The following LARGE1 variants were observed in gnomAD, a reference collection of about 807,000 sequenced individuals.
LARGE1 encodes the protein xylosyl- and glucuronyltransferase LARGE1.
In LARGE1, 43 loss-of-function variants were observed where a neutral mutation model predicts 87.6. The observed-to-expected ratio is 0.49, with a 90% CI of 0.38 to 0.63. The LOEUF (loss-of-function observed/expected upper bound fraction) is 0.63, where lower values mean the gene tolerates loss of function less well. Among genes scored for constraint, LARGE1 ranks in the 30% least tolerant of loss-of-function variants. The probability of loss-of-function intolerance (pLI) is 0.00; values close to 1 mark genes in which losing one functional copy is unlikely to be tolerated. For missense variants in LARGE1, 802 were observed against 1,000.2 expected (o/e 0.80, Z 2.67); for synonymous variants, 434 against 394.6 (o/e 1.10, Z -1.18).
intron 11 of LARGE1, among the ~76,000 whole-genome samples, chr22:33,190,147 T>TCA (rs111552437): frequency 0.035 from 4,826 of 138,362 alleles, 262 homozygotes; most frequent in African/African-American, 0.12. Context: ...AAACAAAACA[T>TCA]TTTTTTTTTT....
Position 33,392,590 on chromosome 22 carries a change from C to T in LARGE1, c.893-8286G>A, listed in dbSNP as rs149801049. ...AGAAGAATTGCTTGAACCTGGGAGG[C>T]GGATGTTGTGGTGAGCCAAGATGGC... On this transcript the variant is annotated intron_variant, in intron 7 of 14. Coordinates refer to ENST00000397394, the MANE Select transcript of LARGE1 (RefSeq NM_133642.5). Among the ~76,000 whole-genome samples the T allele has an allele frequency of 4.2e-3, 632 of 152,190 alleles. 3 individuals are homozygous for T. Among genetic ancestry groups the T allele is most frequent in the African/African-American group, 0.015 (606 of 41,526 alleles).
intron 6 of LARGE1, among the ~76,000 whole-genome samples, chr22:33,470,280 C>A (rs1207615396): frequency 6.6e-6 from 1 of 152,030 alleles, no homozygotes; most frequent in Non-Finnish European, 1.5e-5. Flanking sequence ...ACACATGTAC[C>A]CCTGAAACCA....
At chr22:33,315,778 C>T (rs567809865) in intron 11 of LARGE1, among the ~76,000 whole-genome samples, 104 of 152,260 alleles carry the variant, frequency 6.8e-4, no homozygotes, top group Non-Finnish European at 1.4e-3. Flanking sequence ...TACAGGCGCA[C>T]ACCACCATGC....
intron 9 of LARGE1, among the ~76,000 whole-genome samples, chr22:33,339,096 C>T (rs1245279873): frequency 2.0e-5 from 3 of 148,398 alleles, no homozygotes; most frequent in African/African-American, 7.5e-5. Context: ...TGCGGTGGGC[C>T]GAGATTGCAC....
chr22:33,456,372 A>C (rs2068131398), intron 6 of LARGE1, among the ~76,000 whole-genome samples: 1 of 152,014 alleles, frequency 6.6e-6, no homozygotes, highest in African/African-American at 2.4e-5. Context: ...AATACTCCCC[A>C]ATTTTGGGTA....
intron 6 of LARGE1, among the ~76,000 whole-genome samples, chr22:33,448,524 T>C (rs934081909): frequency 4.6e-5 from 7 of 152,228 alleles, no homozygotes; most frequent in African/African-American, 1.4e-4. Flanking sequence ...GGACACAGTC[T>C]TCAGAGCTCT....
chr22:33,590,523 G>C (rs1416905465), intron 5 of LARGE1, among the ~76,000 whole-genome samples: 1 of 152,112 alleles, frequency 6.6e-6, no homozygotes, highest in African/African-American at 2.4e-5. Context: ...AAAACAATTT[G>C]ATCGCCCTCG....
At chr22:33,690,231 T>G (rs2082058860) in intron 2 of LARGE1, among the ~76,000 whole-genome samples, 1 of 152,084 alleles carries the variant, frequency 6.6e-6, no homozygotes, top group African/African-American at 2.4e-5. Context: ...GAAAGAAAAG[T>G]TAGGCAAAAT....
chr22:33,836,932 T>C (rs911765630), intron 1 of LARGE1, among the ~76,000 whole-genome samples: 1 of 152,134 alleles, frequency 6.6e-6, no homozygotes, highest in African/African-American at 2.4e-5. Flanking sequence ...CAGTTTACCA[T>C]GAACATACTG....
At chr22:33,893,649 C>T (rs56876495) in intron 1 of LARGE1, among the ~76,000 whole-genome samples, 8,998 of 152,264 alleles carry the variant, frequency 0.059, 788 homozygotes, top group African/African-American at 0.19. Context: ...CTTCAACTTT[C>T]AAAAGCTGTT....
intron 6 of LARGE1, among the ~76,000 whole-genome samples, chr22:33,460,516 A>G (rs1047104332): frequency 1.3e-5 from 2 of 152,172 alleles, no homozygotes. Flanking sequence ...ATGCACATAC[A>G]TGCATTTATC....
chr22:33,374,350 A>G (rs974000716), intron 9 of LARGE1, among the ~76,000 whole-genome samples: 1 of 152,222 alleles, frequency 6.6e-6, no homozygotes, highest in Non-Finnish European at 1.5e-5. Flanking sequence ...TAAGAAACAA[A>G]CATTTTATAT....
chr22:33,791,373 A>C (rs2085819410), intron 1 of LARGE1, among the ~76,000 whole-genome samples: 1 of 152,232 alleles, frequency 6.6e-6, no homozygotes, highest in South Asian at 2.1e-4. Context: ...CTTCTGCACA[A>C]CTCAGTAATT....
At chr22:33,547,139 T>A (rs1181273433) in intron 6 of LARGE1, among the ~76,000 whole-genome samples, 1 of 152,090 alleles carries the variant, frequency 6.6e-6, no homozygotes, top group African/African-American at 2.4e-5. Flanking sequence ...TATGTATGTA[T>A]GATACCTAAA....
the LARGE1 span, among the ~76,000 whole-genome samples, chr22:33,095,696 T>C: frequency 6.6e-6 from 1 of 152,166 alleles, no homozygotes; most frequent in Non-Finnish European, 1.5e-5. Context: ...GTTATCCCAA[T>C]ATACAGGTAT....
chr22:33,546,282 A>G (rs2077358017), intron 6 of LARGE1, among the ~76,000 whole-genome samples: 1 of 152,206 alleles, frequency 6.6e-6, no homozygotes, highest in Admixed American at 6.5e-5. Context: ...TAGGGAACAC[A>G]CCACGCTTTA....
At chr22:33,136,542 T>C in the LARGE1 span, among the ~76,000 whole-genome samples, 2 of 152,290 alleles carry the variant, frequency 1.3e-5, no homozygotes, top group South Asian at 4.1e-4. Context: ...AGCCAAACCA[T>C]ATCACCAACA....
At chr22:33,711,840 T>G (rs1477107825) in intron 2 of LARGE1, among the ~76,000 whole-genome samples, 9 of 152,124 alleles carry the variant, frequency 5.9e-5, no homozygotes, top group African/African-American at 2.2e-4. Flanking sequence ...TTTATTTTTT[T>G]TGCAGAGACA....
intron 5 of LARGE1, among the ~76,000 whole-genome samples, chr22:33,597,525 C>T (rs954952853): frequency 8.5e-5 from 13 of 152,196 alleles, no homozygotes; most frequent in Admixed American, 2.0e-4. Context: ...CCTCTGCCAT[C>T]CTCCATAGAG....
Sources: allele counts gnomAD v4.1 joint callset (sites outside exome capture counted in the v4.1 genomes callset), GRCh38; gene constraint gnomAD v4.1.1; transcripts MANE v1.5; gene names NCBI Gene and HGNC (gene_info 2026-07-23, HGNC 2026-07-21).